Variants in GARNL3 observed in about 807,000 individuals in gnomAD.
The protein encoded by GARNL3 is GTPase activating Rap/RanGAP domain like 3.
In GARNL3, 63 loss-of-function variants were observed where a neutral mutation model predicts 125.0. The observed-to-expected ratio is 0.50, with a 90% CI of 0.41 to 0.62. The LOEUF (loss-of-function observed/expected upper bound fraction) is 0.62, where lower values mean the gene tolerates loss of function less well. GARNL3 is among the 20% of genes least tolerant of loss of function. The pLI, the probability that GARNL3 is intolerant of heterozygous loss-of-function variation, is 0.00. For missense variants in GARNL3, 994 were observed against 1,244.0 expected (o/e 0.80, Z 3.02); for synonymous variants, 439 against 457.5 (o/e 0.96, Z 0.52).
intron 4 of GARNL3, among the ~76,000 whole-genome samples, chr9:127,314,471 G>A (rs1275634961): frequency 1.3e-5 from 2 of 152,084 alleles, no homozygotes; most frequent in Non-Finnish European, 2.9e-5. Context: ...CTTGGCATGG[G>A]GGCATCAAGA....
chr9:127,305,606 T>C (rs1267719889), intron 2 of GARNL3, among the ~76,000 whole-genome samples: 1 of 151,974 alleles, frequency 6.6e-6, no homozygotes. Context: ...AGGGTCTTGC[T>C]CTGTTGCCCA....
At chr9:127,238,377 G>A (rs2063148341) in intron 1 of GARNL3, among the ~76,000 whole-genome samples, 1 of 152,138 alleles carries the variant, frequency 6.6e-6, no homozygotes, top group South Asian at 2.1e-4. Context: ...TGGCCTTGAG[G>A]AGAGGCCTAA....
chr9:127,326,909 A>G (rs961182472), intron 7 of GARNL3, among the ~76,000 whole-genome samples: 4 of 152,114 alleles, frequency 2.6e-5, no homozygotes, highest in African/African-American at 9.7e-5. Context: ...CTGCCTTGAT[A>G]TTGGACCTCC....
At chr9:127,345,356 T>C (rs1159663639) in intron 15 of GARNL3, 47 bp from the exon 16 acceptor site, 1 of 1,207,220 alleles carries the variant, frequency 8.3e-7, no homozygotes, top group Non-Finnish European at 1.2e-6. Context: ...TATCCTGCTG[T>C]ACTTTTGCCG....
chr9:127,278,825 G>A (rs2064026489), intron 1 of GARNL3, among the ~76,000 whole-genome samples: 1 of 152,092 alleles, frequency 6.6e-6, no homozygotes, highest in Admixed American at 6.6e-5. Flanking sequence ...CTGGGGTTGC[G>A]GCGGCAATCC....
At chr9:127,272,501 T>TGAG (rs199787130) in intron 1 of GARNL3, among the ~76,000 whole-genome samples, 6 of 143,566 alleles carry the variant, frequency 4.2e-5, no homozygotes, top group East Asian at 1.9e-4. Flanking sequence ...TTTTTTTTTT[T>TGAG]GAGGAGGAGG....
intron 1 of GARNL3, among the ~76,000 whole-genome samples, chr9:127,269,297 G>C (rs1193650916): frequency 6.6e-6 from 1 of 152,212 alleles, no homozygotes; most frequent in African/African-American, 2.4e-5. Flanking sequence ...ACCGCACCCA[G>C]CGTGTTTATT....
intron 2 of GARNL3, among the ~76,000 whole-genome samples, chr9:127,248,026 G>A (rs1191392756): frequency 2.0e-5 from 3 of 152,168 alleles, no homozygotes; most frequent in African/African-American, 4.8e-5. Flanking sequence ...GTGAAAACAT[G>A]TGAAGTTTGT....
At chr9:127,338,069 G>T in intron 11 of GARNL3, 47 bp from the exon 12 acceptor site, 1 of 1,416,190 alleles carries the variant, frequency 7.1e-7, no homozygotes. Flanking sequence ...CAAGCTGTCA[G>T]TCGTGAGCAT....
rs1426036865 is a variant in GARNL3 at position 127,385,229 on chromosome 9, T to C, written c.2388+84T>C. On this transcript the variant is annotated intron_variant, in intron 24 of 27. Transcript: ENST00000373387. The surrounding 1 kb of genome is among the most constrained non-coding windows in gnomAD (Gnocchi z 4.1). ...TTCAGGTGAGCACAGAAGCCGCCTC[T>C]TGTCAAGTTAGGCTGATGAAGACCG... 4 of 751,918 alleles carry C rather than the reference T, an allele frequency of 5.3e-6. No individual in the cohort carries two copies. The highest frequency in any genetic ancestry group is 8.6e-6 in the Non-Finnish European group (4 of 464,394). 46.6% of individuals were successfully genotyped at this position (751,918 alleles called of 1,614,324 possible).
At chr9:127,243,032 C>CCGTT in intron 1 of GARNL3, 1 of 1,299,304 alleles carries the variant, frequency 7.7e-7, no homozygotes, top group Non-Finnish European at 1.0e-6. Context: ...GATTGGCCTG[C>CCGTT]CGTTCTTCTC....
chr9:127,250,995 C>T (rs2063391818), intron 2 of GARNL3, among the ~76,000 whole-genome samples: 2 of 152,166 alleles, frequency 1.3e-5, no homozygotes, highest in South Asian at 4.1e-4. Context: ...TTGACTATTA[C>T]AGTTTTCGGG....
At position 127,266,817 on chromosome 9, in the gene GARNL3, T is replaced by C. The variant is rs1310371985; in HGVS notation, c.144+1796T>C. On this transcript the variant is annotated intron_variant, in intron 1 of 27. Transcript: ENST00000373387. This position sits in a 1 kb window ranked among gnomAD's most constrained non-coding sequence, Gnocchi z 4.0. ...GGCCTAGCAAGTAATATGGAGCGCT[T>C]TTAAACAGTGACAACATTACTTGGG... Among the ~76,000 whole-genome samples the C allele has an allele frequency of 1.3e-5, 2 of 152,204 alleles. No homozygotes were observed. Among genetic ancestry groups the C allele is most frequent in the Non-Finnish European group, 2.9e-5 (2 of 68,038 alleles).
intron 21 of GARNL3, among the ~76,000 whole-genome samples, chr9:127,360,155 C>A (rs895916227): frequency 7.1e-4 from 108 of 152,204 alleles, no homozygotes; most frequent in African/African-American, 2.6e-3. Context: ...TGACGAGTAG[C>A]TGGGATTACA....
intron 2 of GARNL3, among the ~76,000 whole-genome samples, chr9:127,248,591 CTTTTCT>C (rs2063342883): frequency 1.3e-5 from 1 of 79,434 alleles, no homozygotes; most frequent in Non-Finnish European, 2.4e-5. Flanking sequence ...CTGCTTTTTT[CTTTTCT>C]TTTTTTTTTT....
upstream of GARNL3, among the ~76,000 whole-genome samples, chr9:127,258,915 G>A (rs1252002240): frequency 6.6e-6 from 1 of 152,206 alleles, no homozygotes; most frequent in Non-Finnish European, 1.5e-5. Flanking sequence ...GCTCCTGACT[G>A]TTGGTAGGCT....
At chr9:127,377,989 C>A (rs893518202) in intron 22 of GARNL3, among the ~76,000 whole-genome samples, 1 of 151,864 alleles carries the variant, frequency 6.6e-6, no homozygotes, top group African/African-American at 2.4e-5. Context: ...ACCAGTAATC[C>A]CAGCACTTTG....
chr9:127,313,276 G>T (rs1046641719), intron 3 of GARNL3, 165 bp from the exon 4 acceptor site: 10 of 639,446 alleles, frequency 1.6e-5, no homozygotes, highest in Non-Finnish European at 2.8e-5. Context: ...AGGGGCAGAG[G>T]AATACATGAT....
At chr9:127,368,808 G>A (rs1377903385) in intron 22 of GARNL3, among the ~76,000 whole-genome samples, 3 of 151,914 alleles carry the variant, frequency 2.0e-5, no homozygotes, top group Admixed American at 1.3e-4. Context: ...GGTGGTGCGC[G>A]CCTGTAGTCC....
Sources: gnomAD v4.1 joint callset for allele counts (sites outside exome capture counted in the v4.1 genomes callset) on GRCh38, gnomAD v4.1.1 for gene constraint, Gnocchi (gnomAD v3.1) non-coding constraint, MANE v1.5 for transcripts, NCBI Gene and HGNC (gene_info 2026-07-23, HGNC 2026-07-21) for gene names.